The following GSG1L variants were observed in gnomAD, a reference collection of about 807,000 sequenced individuals.
The protein encoded by GSG1L is GSG1 like.
A neutral mutation model predicts 42.1 loss-of-function variants in GSG1L; 24 were observed. That is an observed-to-expected ratio of 0.57 (90% CI 0.41 to 0.80). The LOEUF (loss-of-function observed/expected upper bound fraction) is 0.80, where lower values mean the gene tolerates loss of function less well. Ranked by LOEUF, GSG1L falls within the 30% of genes least tolerant of loss-of-function variation. The pLI, the probability that GSG1L is intolerant of heterozygous loss-of-function variation, is 0.00. For synonymous variants in GSG1L, 215 were observed against 203.5 expected, an observed-to-expected ratio of 1.06 and a Z score of -0.48; for missense variants, 445 against 472.2, an observed-to-expected ratio of 0.94 and a Z score of 0.53.
intron 1 of GSG1L, among the ~76,000 whole-genome samples, chr16:28,058,620 C>CAAAAAAAAAAAAA (rs66952573): frequency 3.6e-5 from 3 of 82,556 alleles, no homozygotes; most frequent in Non-Finnish European, 5.3e-5. Flanking sequence ...AGAACAAGAC[C>CAAAAAAAAAAAAA]AAAAAAAAAA....
chr16:27,819,651 C>A (rs2140956225), intron 5 of GSG1L, among the ~76,000 whole-genome samples: 1 of 152,226 alleles, frequency 6.6e-6, no homozygotes, highest in Middle Eastern at 3.4e-3. Context: ...GGCTGGGGAG[C>A]TGTGTATGAT....
intron 1 of GSG1L, among the ~76,000 whole-genome samples, chr16:28,002,212 T>C (rs1444912443): frequency 6.6e-6 from 1 of 152,170 alleles, no homozygotes; most frequent in Non-Finnish European, 1.5e-5. Context: ...TAAAACAGGA[T>C]GCTGTGATGG....
intron 1 of GSG1L, among the ~76,000 whole-genome samples, chr16:28,061,244 C>T (rs2086336422): frequency 6.6e-6 from 1 of 152,176 alleles, no homozygotes; most frequent in Non-Finnish European, 1.5e-5. Flanking sequence ...TACGAGGCCT[C>T]CGTGTGAGAG....
At chr16:27,801,543 CA>C (rs1419403667) in intron 6 of GSG1L, among the ~76,000 whole-genome samples, 1 of 152,188 alleles carries the variant, frequency 6.6e-6, no homozygotes. Flanking sequence ...CAGGCATTTC[CA>C]AAATATTTTC....
intron 1 of GSG1L, among the ~76,000 whole-genome samples, chr16:28,060,434 G>A (rs1463883802): frequency 6.6e-6 from 1 of 152,132 alleles, no homozygotes; most frequent in Non-Finnish European, 1.5e-5. Flanking sequence ...TATTTTCCAA[G>A]CTCTCAGAGA....
intron 1 of GSG1L, among the ~76,000 whole-genome samples, chr16:28,047,740 C>A (rs1202959490): frequency 6.6e-6 from 1 of 152,144 alleles, no homozygotes. Flanking sequence ...ATAAAATCCA[C>A]AATTCCGCAA....
At chr16:28,005,267 C>T (rs547451097) in intron 1 of GSG1L, among the ~76,000 whole-genome samples, 1 of 152,314 alleles carries the variant, frequency 6.6e-6, no homozygotes, top group East Asian at 1.9e-4. Context: ...GCATGCACCA[C>T]CATGCCCAGC....
intron 3 of GSG1L, among the ~76,000 whole-genome samples, chr16:27,874,175 T>C (rs924816993): frequency 6.6e-6 from 1 of 152,108 alleles, no homozygotes; most frequent in African/African-American, 2.4e-5. Context: ...AATAGAAGTG[T>C]CTTTGTTATT....
intron 1 of GSG1L, among the ~76,000 whole-genome samples, chr16:28,061,589 A>G (rs1043069289): frequency 6.6e-5 from 10 of 152,208 alleles, no homozygotes; most frequent in African/African-American, 1.4e-4. Flanking sequence ...TGCGCTAGAC[A>G]TTACTGGGAG....
chr16:27,835,942 C>A (rs1365109508), intron 4 of GSG1L, among the ~76,000 whole-genome samples: 3 of 152,010 alleles, frequency 2.0e-5, no homozygotes, highest in Non-Finnish European at 4.4e-5. Context: ...ATTTTTCATT[C>A]ATTCTTTCTT....
At chr16:27,839,561 G>C (rs989217340) in intron 4 of GSG1L, among the ~76,000 whole-genome samples, 6 of 152,224 alleles carry the variant, frequency 3.9e-5, no homozygotes, top group Admixed American at 1.3e-4. Context: ...TGCAAGGTCA[G>C]GCAGATGATG....
intron 2 of GSG1L, among the ~76,000 whole-genome samples, chr16:27,888,478 CTTTCCTTTCTTTCTT>C (rs2084069241): frequency 4.0e-5 from 1 of 24,748 alleles, no homozygotes; most frequent in Non-Finnish European, 1.1e-4. Flanking sequence ...CTCTCTCTCT[CTTTCCTTTCTTTCTT>C]TCTTTCTTTC....
intron 2 of GSG1L, among the ~76,000 whole-genome samples, chr16:27,931,793 C>T (rs1449696830): frequency 6.6e-6 from 1 of 152,126 alleles, no homozygotes; most frequent in African/African-American, 2.4e-5. Flanking sequence ...GAAACAAGCT[C>T]GTTGTCTATC....
At chr16:27,911,737 T>C (rs1055753878) in intron 2 of GSG1L, among the ~76,000 whole-genome samples, 1 of 152,172 alleles carries the variant, frequency 6.6e-6, no homozygotes, top group African/African-American at 2.4e-5. Flanking sequence ...TGCTCAAATG[T>C]CACCTTCTTG....
chr16:27,902,829 T>G (rs1370551421), intron 2 of GSG1L, among the ~76,000 whole-genome samples: 2 of 152,092 alleles, frequency 1.3e-5, no homozygotes, highest in Non-Finnish European at 2.9e-5. Context: ...TAGTGACACA[T>G]GCGGGAACAG....
intron 1 of GSG1L, among the ~76,000 whole-genome samples, chr16:27,994,963 T>C (rs1649697988): frequency 6.6e-6 from 1 of 152,098 alleles, no homozygotes; most frequent in Admixed American, 6.5e-5. Flanking sequence ...ATCCCAAACA[T>C]ACGAGGGAAG....
intron 2 of GSG1L, among the ~76,000 whole-genome samples, chr16:27,935,364 C>A (rs1245064123): frequency 1.3e-5 from 2 of 152,278 alleles, no homozygotes; most frequent in East Asian, 3.9e-4. Flanking sequence ...GCTCTGCTTG[C>A]GTTTTTATTT....
intron 1 of GSG1L, among the ~76,000 whole-genome samples, chr16:27,998,008 C>T (rs985442358): frequency 4.6e-5 from 7 of 152,020 alleles, no homozygotes; most frequent in African/African-American, 9.7e-5. Flanking sequence ...TACAGGCATG[C>T]GCCACCACTC....
At chr16:27,958,297 C>T (rs1443288012) in intron 2 of GSG1L, among the ~76,000 whole-genome samples, 6 of 150,726 alleles carry the variant, frequency 4.0e-5, no homozygotes, top group Non-Finnish European at 5.9e-5. Context: ...CCCAGCTAGT[C>T]GGAAGGCTGA....
Sources: allele counts gnomAD v4.1 joint callset (sites outside exome capture counted in the v4.1 genomes callset), GRCh38; gene constraint gnomAD v4.1.1; transcripts MANE v1.5; gene names NCBI Gene and HGNC (gene_info 2026-07-23, HGNC 2026-07-21).